The following SMAP1 variants were observed in gnomAD, a reference collection of about 807,000 sequenced individuals.
The protein encoded by SMAP1 is small ArfGAP 1.
SMAP1 carries 24 observed loss-of-function variants against 58.5 expected under a neutral mutation model. That is an observed-to-expected ratio of 0.41 (90% CI 0.30 to 0.58). The LOEUF (loss-of-function observed/expected upper bound fraction) is 0.58. SMAP1 is among the 20% of genes least tolerant of loss of function. The probability of loss-of-function intolerance (pLI) is 0.29; values close to 1 mark genes in which losing one functional copy is unlikely to be tolerated. For synonymous variants in SMAP1, 216 were observed against 196.6 expected (o/e 1.10, Z -0.82); for missense variants, 563 against 566.3 (o/e 0.99, Z 0.06).
chr6:70,797,066 G>T (rs1000387999), intron 5 of SMAP1, among the ~76,000 whole-genome samples: 1 of 152,210 alleles, frequency 6.6e-6, no homozygotes, highest in African/African-American at 2.4e-5. Flanking sequence ...CTAATAAAAG[G>T]TTAAAAAGAG....
chr6:70,679,828 A>G (rs1421903229), intron 1 of SMAP1, among the ~76,000 whole-genome samples: 1 of 152,208 alleles, frequency 6.6e-6, no homozygotes, highest in African/African-American at 2.4e-5. Flanking sequence ...CTCTAAATTC[A>G]ACATTATTCC....
At chr6:70,832,038 T>A (rs1200021291) in intron 6 of SMAP1, among the ~76,000 whole-genome samples, 2 of 152,186 alleles carry the variant, frequency 1.3e-5, no homozygotes, top group African/African-American at 2.4e-5. Flanking sequence ...AGCATTTTTT[T>A]ATACACTTGT....
intron 6 of SMAP1, among the ~76,000 whole-genome samples, chr6:70,832,981 C>T (rs998520718): frequency 6.6e-6 from 1 of 152,146 alleles, no homozygotes; most frequent in Non-Finnish European, 1.5e-5. Context: ...TAAGTACTTA[C>T]TTCCTGTCGT....
chr6:70,759,230 T>G (rs1766646530), intron 3 of SMAP1, among the ~76,000 whole-genome samples: 1 of 152,130 alleles, frequency 6.6e-6, no homozygotes, highest in South Asian at 2.1e-4. Context: ...TGTAGGTGGT[T>G]GTTACCAGCT....
At chr6:70,835,273 A>AT (rs1221450295) in intron 6 of SMAP1, among the ~76,000 whole-genome samples, 4 of 150,420 alleles carry the variant, frequency 2.7e-5, no homozygotes, top group African/African-American at 9.8e-5. Flanking sequence ...AAAAAAAAAA[A>AT]GAATTGACAC....
intron 1 of SMAP1, among the ~76,000 whole-genome samples, chr6:70,694,799 T>TA (rs1489370554): frequency 2.6e-5 from 4 of 152,254 alleles, no homozygotes; most frequent in Non-Finnish European, 5.9e-5. Context: ...AGGTACCTTG[T>TA]AAACACCTTA....
intron 3 of SMAP1, among the ~76,000 whole-genome samples, chr6:70,757,276 C>T (rs1338676854): frequency 2.0e-5 from 3 of 148,954 alleles, no homozygotes; most frequent in Non-Finnish European, 3.0e-5. Flanking sequence ...GGAAAGGATT[C>T]CCTATTTAAT....
chr6:70,735,720 GATCC>G (rs1765593854), intron 2 of SMAP1, among the ~76,000 whole-genome samples: 1 of 152,178 alleles, frequency 6.6e-6, no homozygotes, highest in Admixed American at 6.5e-5. Context: ...AGTAAGCCAA[GATCC>G]TGCCACTGCA....
chr6:70,682,850 C>T (rs1472800874), intron 1 of SMAP1, among the ~76,000 whole-genome samples: 5 of 152,086 alleles, frequency 3.3e-5, no homozygotes, highest in Non-Finnish European at 1.5e-5. Context: ...CCAGCCTGGC[C>T]AACGTGGCGA....
chr6:70,784,073 A>G (rs1469679108), intron 4 of SMAP1, among the ~76,000 whole-genome samples: 2 of 152,228 alleles, frequency 1.3e-5, no homozygotes, highest in Non-Finnish European at 2.9e-5. Flanking sequence ...TTACCCACAA[A>G]GGGAAGCCCA....
At chr6:70,858,338 G>T (rs16869513) in intron 10 of SMAP1, 109 bp downstream of exon 10, 1 of 919,910 alleles carries the variant, frequency 1.1e-6, no homozygotes, top group Non-Finnish European at 1.5e-6. Flanking sequence ...CTGGCAGAAA[G>T]AATTCAATAG....
At chr6:70,773,570 A>G in intron 4 of SMAP1, 145 bp downstream of exon 4, 1 of 510,648 alleles carries the variant, frequency 2.0e-6, no homozygotes, top group Non-Finnish European at 3.4e-6. Flanking sequence ...TGGTTATATA[A>G]TGTTGAGCTC....
chr6:70,818,779 T>C (rs1769754189), intron 6 of SMAP1, among the ~76,000 whole-genome samples: 1 of 152,216 alleles, frequency 6.6e-6, no homozygotes, highest in South Asian at 2.1e-4. Flanking sequence ...AGCCTTTTTA[T>C]TTCCAGTTTA....
At chr6:70,759,879 G>A (rs996058207) in intron 3 of SMAP1, 9 of 449,818 alleles carry the variant, frequency 2.0e-5, no homozygotes, top group Non-Finnish European at 4.0e-5. Flanking sequence ...TGCTTAATAA[G>A]TGTTTGCCCT....
rs5877259 is a variant in SMAP1 at position 70,718,819 on chromosome 6, C to CAA, written c.119-13537_119-13536dup. Among the ~76,000 whole-genome samples, 399 of 55,892 alleles carry CAA rather than the reference C, an allele frequency of 7.1e-3. 2 individuals carry two copies. The highest frequency in any genetic ancestry group is 9.2e-3 in the Non-Finnish European group (290 of 31,430). The allele number at this position is 55,892 out of a possible 152,430, so 36.7% of individuals were successfully genotyped here. A position where few individuals can be genotyped will look rare whatever the true frequency, so the allele number is the denominator to read the frequency against. ...TGGGTGACAGTGTAAGACTCCATCT[C>CAA]AAAAAAAAAAAAAAAAAAAAAAAGT... On this transcript the variant is annotated intron_variant, in intron 1 of 10. Coordinates refer to ENST00000370455, the MANE Select transcript of SMAP1 (RefSeq NM_001044305.3).
chr6:70,812,319 A>G (rs1769426846), intron 6 of SMAP1, among the ~76,000 whole-genome samples: 2 of 152,212 alleles, frequency 1.3e-5, no homozygotes, highest in Middle Eastern at 3.2e-3. Flanking sequence ...AGTTATCCAA[A>G]GTCAGATTTA....
chr6:70,835,330 T>C (rs1212804796), intron 6 of SMAP1, among the ~76,000 whole-genome samples: 1 of 139,786 alleles, frequency 7.2e-6, no homozygotes, highest in Non-Finnish European at 1.6e-5. Context: ...TAAGGGAGAG[T>C]GTAGTGATTA....
At chr6:70,857,088 T>C in intron 9 of SMAP1, 58 bp downstream of exon 9, 2 of 1,458,070 alleles carry the variant, frequency 1.4e-6, no homozygotes, top group Middle Eastern at 2.1e-4. Context: ...CCTTTGTAAT[T>C]ATATAATAAG....
chr6:70,821,343 T>C (rs1317987616), intron 6 of SMAP1, among the ~76,000 whole-genome samples: 8 of 152,206 alleles, frequency 5.3e-5, no homozygotes, highest in Middle Eastern at 3.2e-3. Context: ...CCATACTTTT[T>C]TTTTTATTCT....
Sources: gnomAD v4.1 joint callset for allele counts (sites outside exome capture counted in the v4.1 genomes callset) on GRCh38, gnomAD v4.1.1 for gene constraint, MANE v1.5 for transcripts, NCBI Gene and HGNC (gene_info 2026-07-23, HGNC 2026-07-21) for gene names.